Variants in CASQ2 observed in about 807,000 individuals in gnomAD.
CASQ2 encodes the protein calsequestrin-2.
In CASQ2, 49 loss-of-function variants were observed where a neutral mutation model predicts 46.5. That is an observed-to-expected ratio of 1.05 (90% CI 0.84 to 1.34). CASQ2 has a LOEUF of 1.34. CASQ2 is among the 40% of genes most tolerant of loss of function. The probability of loss-of-function intolerance (pLI) is 0.00; values close to 1 mark genes in which losing one functional copy is unlikely to be tolerated. For synonymous variants in CASQ2, 174 were observed against 168.5 expected (o/e 1.03, Z -0.25); for missense variants, 486 against 481.3 (o/e 1.01, Z -0.09).
intron 1 of CASQ2, among the ~76,000 whole-genome samples, chr1:115,755,888 A>G (rs566025759): frequency 1.3e-5 from 2 of 152,340 alleles, no homozygotes; most frequent in Admixed American, 6.5e-5. Context: ...CAAGGACTCA[A>G]TCCCAGCTGG....
intron 1 of CASQ2, among the ~76,000 whole-genome samples, chr1:115,766,983 G>T (rs1049209262): frequency 1.1e-4 from 17 of 152,254 alleles, no homozygotes; most frequent in Non-Finnish European, 1.8e-4. Flanking sequence ...GTCCTTGCCT[G>T]TACTGGCCAC....
intron 2 of CASQ2, 130 bp downstream of exon 2, chr1:115,744,698 G>T: frequency 1.4e-6 from 1 of 704,860 alleles, no homozygotes. Context: ...CAAAGATGAA[G>T]GTATGCAGGA....
chr1:115,751,621 G>A (rs910499544), intron 1 of CASQ2, among the ~76,000 whole-genome samples: 2 of 151,842 alleles, frequency 1.3e-5, no homozygotes, highest in African/African-American at 4.8e-5. Flanking sequence ...GCAGTGAGCC[G>A]AGATTGCGCC....
rs563051855 is a variant in CASQ2, at chr1:115,742,337, G to C, written c.320-1509C>G. ...TCAAAAGGTGCCCTAGGGAACATTG[G>C]CCAGTGTCCTGCTGTTGGATTTTGT... On this transcript the variant is annotated intron_variant, in intron 2 of 10. Transcript: ENST00000261448. 4.5e-4 allele frequency among the ~76,000 whole-genome samples: 68 copies of C among 152,206 alleles called. No individual in the cohort carries two copies. In the South Asian group the frequency reaches 0.012, roughly 28 times the overall value.
At chr1:115,710,014 T>C (rs903990383) in intron 8 of CASQ2, among the ~76,000 whole-genome samples, 5 of 152,156 alleles carry the variant, frequency 3.3e-5, no homozygotes, top group African/African-American at 1.2e-4. Context: ...TTAATTTTTT[T>C]ATTACTATTT....
chr1:115,734,738 T>A (rs577335982), intron 4 of CASQ2, among the ~76,000 whole-genome samples: 1 of 152,270 alleles, frequency 6.6e-6, no homozygotes, highest in East Asian at 1.9e-4. Context: ...ATCTTAGCAT[T>A]TTCTCTCCTT....
chr1:115,731,893 A>T (rs898763298), intron 5 of CASQ2, among the ~76,000 whole-genome samples: 3 of 152,002 alleles, frequency 2.0e-5, no homozygotes, highest in African/African-American at 4.8e-5. Context: ...GCACATAAAA[A>T]TTTTTTTGAA....
At chr1:115,758,797 A>T (rs957724728) in intron 1 of CASQ2, among the ~76,000 whole-genome samples, 12 of 152,198 alleles carry the variant, frequency 7.9e-5, no homozygotes, top group African/African-American at 2.7e-4. Context: ...CATGAGTGGA[A>T]GCAGCCTGTG....
At chr1:115,718,038 G>A (rs1045963772) in intron 7 of CASQ2, 144 bp from the exon 8 acceptor site, 5 of 712,554 alleles carry the variant, frequency 7.0e-6, no homozygotes, top group African/African-American at 7.0e-5. Context: ...AAGCACAGAG[G>A]AGTACAGCGG....
At chr1:115,761,458 A>G (rs376279473) in intron 1 of CASQ2, among the ~76,000 whole-genome samples, 117 of 5,694 alleles carry the variant, frequency 0.021, 6 homozygotes, top group Non-Finnish European at 0.035. Context: ...GAAGAAGAAG[A>G]AGAAGGAGAA....
chr1:115,730,316 A>G (rs1372883321), intron 5 of CASQ2, among the ~76,000 whole-genome samples: 1 of 152,204 alleles, frequency 6.6e-6, no homozygotes, highest in African/African-American at 2.4e-5. Context: ...CCCTCTTTAC[A>G]GTCTTGCAAC....
chr1:115,753,862 G>A (rs1570851017), intron 1 of CASQ2, among the ~76,000 whole-genome samples: 1 of 152,102 alleles, frequency 6.6e-6, no homozygotes. Flanking sequence ...GGAGGTGGGT[G>A]GGGATTACTT....
intron 1 of CASQ2, among the ~76,000 whole-genome samples, chr1:115,762,055 A>T (rs1043105698): frequency 1.3e-5 from 2 of 152,166 alleles, no homozygotes; most frequent in Admixed American, 6.5e-5. Flanking sequence ...AAGCAGAAGA[A>T]CTACACCAAG....
At position 115,700,545 on chromosome 1, in the gene CASQ2, T is replaced by C. The variant is rs1240823601; in HGVS notation, c.*696A>G. ...ACTAGAGGGAAGTTTAGAGAGCAAA[T>C]CAACCTCCCATCCCAGTTTCCTAAT... On this transcript the variant is annotated 3_prime_UTR_variant, in exon 11 of 11. Transcript: ENST00000261448. 1 of 154,218 alleles carries C rather than the reference T, an allele frequency of 6.5e-6. No homozygotes were observed. The highest frequency in any genetic ancestry group is 1.4e-5 in the Non-Finnish European group (1 of 69,560). 9.6% of individuals were successfully genotyped at this position (154,218 alleles called of 1,614,324 possible). A position where few individuals can be genotyped will look rare whatever the true frequency, so the allele number is the denominator to read the frequency against.
intron 1 of CASQ2, among the ~76,000 whole-genome samples, chr1:115,746,075 T>G (rs1195272599): frequency 6.6e-6 from 1 of 152,194 alleles, no homozygotes; most frequent in Non-Finnish European, 1.5e-5. Flanking sequence ...TGGAATTATA[T>G]AGTATGTAAC....
chr1:115,723,101 G>A (rs1319363274), intron 7 of CASQ2, among the ~76,000 whole-genome samples: 1 of 152,138 alleles, frequency 6.6e-6, no homozygotes, highest in Admixed American at 6.6e-5. Context: ...GCAAATGTAA[G>A]TGTGGAATCC....
intron 4 of CASQ2, 104 bp from the exon 5 acceptor site, chr1:115,733,078 T>C: frequency 1.3e-6 from 1 of 754,516 alleles, no homozygotes; most frequent in Non-Finnish European, 2.3e-6. Context: ...TAATCCTGAT[T>C]GGATAATAAT....
At position 115,740,840 on chromosome 1, in the gene CASQ2, A is replaced by G. The variant is rs1396438155; in HGVS notation, c.320-12T>C. ...TTCTTCATCAAAACCTGTAAGAAAC[A>G]AAGAGGCCCACAGAGAAGGTCATCC... On this transcript the variant is annotated splice_polypyrimidine_tract_variant and intron_variant, in intron 2 of 10. Coordinates refer to ENST00000261448, the MANE Select transcript of CASQ2 (RefSeq NM_001232.4). 6.4e-7 allele frequency: 1 copy of G among 1,553,324 alleles called. No individual in the cohort carries two copies. The highest frequency in any genetic ancestry group is 1.1e-5 in the South Asian group (1 of 89,806).
chr1:115,738,439 G>T, intron 3 of CASQ2, 104 bp from the exon 4 acceptor site: 1 of 801,646 alleles, frequency 1.2e-6, no homozygotes, highest in South Asian at 1.3e-5. Context: ...CTTTGTGGTT[G>T]GTGCCTCAAA....
Sources: gnomAD v4.1 joint callset for allele counts (sites outside exome capture counted in the v4.1 genomes callset) on GRCh38, gnomAD v4.1.1 for gene constraint, MANE v1.5 for transcripts, NCBI Gene and HGNC (gene_info 2026-07-23, HGNC 2026-07-21) for gene names.